The following NNT variants were observed in gnomAD, a reference collection of about 807,000 sequenced individuals.
The protein encoded by NNT is NAD(P) transhydrogenase, mitochondrial.
A neutral mutation model predicts 104.8 loss-of-function variants in NNT; 50 were observed. That is an observed-to-expected ratio of 0.48 (90% CI 0.38 to 0.60). The LOEUF (loss-of-function observed/expected upper bound fraction) is 0.60, where lower values mean the gene tolerates loss of function less well. Ranked by LOEUF, NNT falls within the 20% of genes least tolerant of loss-of-function variation. The pLI, the probability that NNT is intolerant of heterozygous loss-of-function variation, is 0.00. For missense variants in NNT, 1,131 were observed against 1,330.7 expected (o/e 0.85, Z 2.33); for synonymous variants, 461 against 490.4 (o/e 0.94, Z 0.79).
chr5:43,621,930 T>C (rs1750118561), intron 5 of NNT, among the ~76,000 whole-genome samples: 1 of 152,192 alleles, frequency 6.6e-6, no homozygotes, highest in African/African-American at 2.4e-5. Context: ...GTGAACAAGA[T>C]GAAGAGTGAT....
In NNT at chr5:43,619,073, T is replaced by G; in HGVS notation, c.641T>G (p.Phe214Cys). Reference protein sequence around the residue: ...VVLAANHFGRFFTGQITAAGK... With the variant: ...VVLAANHFGRCFTGQITAAGK... ...CTAGCAGCAAATCATTTTGGACGTT[T>G]TTTTACTGGTCAGATCACAGCTGCT... Residue 214 changes from phenylalanine to cysteine, a missense_variant, in exon 5 of 22, where the codon TTT becomes TGT. Coordinates refer to ENST00000344920, the MANE Select transcript of NNT (RefSeq NM_182977.3). 1.3e-6 allele frequency: 2 copies of G among 1,557,698 alleles called. No individual in the cohort carries two copies. The highest frequency in any genetic ancestry group is 2.6e-5 in the South Asian group (2 of 78,010).
rs184766852 is a variant in NNT, at chr5:43,687,656, C to T, written c.2876+9850C>T. Among the ~76,000 whole-genome samples, 276 of 152,194 alleles carry T rather than the reference C, an allele frequency of 1.8e-3. 2 individuals are homozygous for T. The highest frequency in any genetic ancestry group is 8.5e-3 in the South Asian group (41 of 4,822). On this transcript the variant is annotated intron_variant, in intron 19 of 21. Transcript: ENST00000344920. ...ACGTGTTTTTCTCTGACTTTAGAGT[C>T]ATAAAGTTTAGTGTAATAAATTACT... is the stretch of plus-strand genomic sequence containing the variant.
At position 43,624,104 on chromosome 5, in the gene NNT, C is replaced by T; in HGVS notation, c.760C>T (p.Arg254Ter). The part of the protein sequence containing the change: ...GAAKSMGAIV[R>*]GFDTRAAALE... ...AGCAAAGTCGATGGGTGCAATTGTT[C>T]GAGGATTTGACACAAGGTGAGTGCT... Residue 254 changes from arginine to a stop codon, truncating the protein, a stop_gained, in exon 6 of 22, where the codon CGA becomes TGA. Transcript: ENST00000344920. LOFTEE classifies it high-confidence loss of function. The T allele has an allele frequency of 2.5e-6, 4 of 1,613,988 alleles. No individual in the cohort carries two copies. Among genetic ancestry groups the T allele is most frequent in the Non-Finnish European group, 3.4e-6 (4 of 1,179,968 alleles).
At chr5:43,670,573 T>C (rs1444515456) in intron 17 of NNT, among the ~76,000 whole-genome samples, 2 of 152,220 alleles carry the variant, frequency 1.3e-5, no homozygotes, top group Non-Finnish European at 2.9e-5. Flanking sequence ...TTGCTCAGTT[T>C]CCATGTAGTT....
chr5:43,609,233 C>G lies in NNT; in HGVS notation c.38C>G (p.Ser13Trp), dbSNP rs759723802. Residue 13 changes from serine (S) to tryptophan (W), a missense_variant, in exon 2 of 22, where the codon TCG becomes TGG. Coordinates refer to ENST00000344920, the MANE Select transcript of NNT (RefSeq NM_182977.3). Reference protein sequence around the residue: ...NLLKTVVTGCSCPLLSNLGSC... With the variant: ...NLLKTVVTGCWCPLLSNLGSC... ...TTGAAAACAGTGGTGACTGGCTGCT[C>G]GTGTCCTCTACTTAGCAATTTGGGG... is the stretch of plus-strand genomic sequence containing the variant. 1 of 1,613,888 alleles carries G rather than the reference C, an allele frequency of 6.2e-7. No homozygotes were observed. Among genetic ancestry groups the G allele is most frequent in the Non-Finnish European group, 8.5e-7 (1 of 1,179,902 alleles).
chr5:43,622,220 CTTG>C (rs923359007), intron 5 of NNT, among the ~76,000 whole-genome samples: 2 of 152,118 alleles, frequency 1.3e-5, no homozygotes, highest in African/African-American at 4.8e-5. Flanking sequence ...ACCAGTACTA[CTTG>C]TTGATGAACT....
Position 43,616,038 on chromosome 5 carries a change from C to T in NNT, c.572C>T (p.Ala191Val), listed in dbSNP as rs749591680. ...GTCACAATTGCTCAGGGATATGATG[C>T]GCTAAGCTCCATGGCCAACATTGCG... The part of the protein sequence containing the change: ...PRVTIAQGYD[A>V]LSSMANIAGY... The change falls in exon 4 of 22, where the codon GCG (alanine) becomes GTG (valine). Residue 191 changes from alanine (A) to valine (V), a missense_variant. By Grantham distance (64) the Ala-to-Val change is moderately conservative. Coordinates refer to ENST00000344920, the MANE Select transcript of NNT (RefSeq NM_182977.3). 29 of 1,613,836 alleles carry T rather than the reference C, an allele frequency of 1.8e-5. No homozygotes were observed. The highest frequency in any genetic ancestry group is 4.4e-5 in the South Asian group (4 of 91,058).
Position 43,656,695 on chromosome 5 carries a change from T to G in NNT, c.2336T>G (p.Leu779Ter). The G allele has an allele frequency of 6.2e-7, 1 of 1,614,114 alleles. No homozygotes were observed. ...CCTCTCCTACTGCCTGGAAGGCACT[T>G]ACTCAATGCAGGCTTACTGGCTGCT... is the stretch of plus-strand genomic sequence containing the variant. Reference protein sequence around the residue: ...SAPLLLPGRHLLNAGLLAASV... With the variant: ...SAPLLLPGRH The change falls in exon 16 of 22, where the codon TTA becomes TGA. Residue 779 changes from leucine to a stop codon, truncating the protein, a stop_gained. Transcript: ENST00000344920. LOFTEE classifies it high-confidence loss of function.
At chr5:43,700,351 ACTTGT>A (rs1742785624) in intron 20 of NNT, 114 bp downstream of exon 20, 1 of 664,536 alleles carries the variant, frequency 1.5e-6, no homozygotes, top group Non-Finnish European at 2.6e-6. Flanking sequence ...ATGAAAAAGA[ACTTGT>A]ACATGGTAGA....
Position 43,704,701 on chromosome 5 carries a change from AT to A in NNT, c.*303del. ...CTCATTTTAGATGTAGTCCTGTTGGATTTTTTATGCCTCCTCAGTAACCAGA... is the reference window on the plus strand; with the variant it reads ...CTCATTTTAGATGTAGTCCTGTTGGATTTTTATGCCTCCTCAGTAACCAGA... On this transcript the variant is annotated 3_prime_UTR_variant, in exon 22 of 22. Transcript: ENST00000344920. 1 of 263,634 alleles carries A rather than the reference AT, an allele frequency of 3.8e-6. No individual in the cohort carries two copies. The allele number at this position is 263,634 out of a possible 1,614,324, so 16.3% of individuals were successfully genotyped here. A position where few individuals can be genotyped will look rare whatever the true frequency, so the allele number is the denominator to read the frequency against.
Position 43,675,399 on chromosome 5 carries a change from A to G in NNT, c.2635-112A>G, listed in dbSNP as rs536046251. On this transcript the variant is annotated intron_variant, in intron 17 of 21. Coordinates refer to ENST00000344920, the MANE Select transcript of NNT (RefSeq NM_182977.3). ...AATTTATCTGATTAAAGTGTTTTAA[A>G]TGATCAAATAAACCTTTTAAAATGA... 34 of 945,358 alleles carry G rather than the reference A, an allele frequency of 3.6e-5. No homozygotes were observed. In the Middle Eastern group the frequency reaches 1.6e-3, roughly 44 times the overall value. The allele number at this position is 945,358 out of a possible 1,614,324, so 58.6% of individuals were successfully genotyped here.
chr5:43,671,707 G>T (rs575617516), intron 17 of NNT, among the ~76,000 whole-genome samples: 1 of 152,236 alleles, frequency 6.6e-6, no homozygotes, highest in East Asian at 1.9e-4. Flanking sequence ...CTTTCTGGCT[G>T]CCCTTAACAT....
chr5:43,628,812 C>G (rs1750509877), intron 7 of NNT, among the ~76,000 whole-genome samples: 1 of 152,130 alleles, frequency 6.6e-6, no homozygotes, highest in Non-Finnish European at 1.5e-5. Flanking sequence ...GTCTCAAACT[C>G]CTGACCTCAG....
At chr5:43,602,961 C>A (rs765087348), upstream of NNT, 1 of 152,542 alleles carries the variant, frequency 6.6e-6, no homozygotes, top group African/African-American at 2.4e-5. Flanking sequence ...GAGGCAGAGA[C>A]AAAGAGGTTT....
intron 2 of NNT, among the ~76,000 whole-genome samples, chr5:43,611,642 AG>A (rs1286124337): frequency 1.3e-5 from 2 of 152,182 alleles, no homozygotes; most frequent in Non-Finnish European, 2.9e-5. Context: ...AATCTAAGAC[AG>A]TGTTCAAATT....
chr5:43,613,840 G>C (rs1749634548), intron 3 of NNT, among the ~76,000 whole-genome samples: 1 of 152,144 alleles, frequency 6.6e-6, no homozygotes, highest in African/African-American at 2.4e-5. Context: ...TTTTTCAGGA[G>C]ATACAGCTTT....
intron 4 of NNT, 28 bp from the exon 5 acceptor site, chr5:43,619,004 T>TTATG (rs1749929958): frequency 1.6e-6 from 2 of 1,250,320 alleles, no homozygotes; most frequent in African/African-American, 1.5e-5. Context: ...ATGGAATTAT[T>TTATG]TATTTATTTA....
At position 43,675,591 on chromosome 5, in the gene NNT, T is replaced by G; in HGVS notation, c.2715T>G (p.Ile905Met). 6.2e-7 allele frequency: 1 copy of G among 1,613,554 alleles called. No homozygotes were observed. Among genetic ancestry groups the G allele is most frequent in the Non-Finnish European group, 8.5e-7 (1 of 1,179,826 alleles). Reference protein sequence around the residue: ...TSTAGGKPMEISGTHTEINLD... With the variant: ...TSTAGGKPMEMSGTHTEINLD... ...CAGCTGGTGGAAAACCCATGGAAATTTCTGGCACACATACGGAAATCAACC... is the reference window on the plus strand; with the variant it reads ...CAGCTGGTGGAAAACCCATGGAAATGTCTGGCACACATACGGAAATCAACC... The change falls in exon 18 of 22, where the codon ATT (isoleucine) becomes ATG (methionine). Residue 905 changes from isoleucine (I) to methionine (M), a missense_variant. Ile to Met is a conservative substitution (Grantham distance 10, BLOSUM62 1). Coordinates refer to ENST00000344920, the MANE Select transcript of NNT (RefSeq NM_182977.3).
intron 17 of NNT, among the ~76,000 whole-genome samples, chr5:43,661,085 G>C (rs1412592355): frequency 6.6e-6 from 1 of 152,028 alleles, no homozygotes; most frequent in African/African-American, 2.4e-5. Context: ...GCAAAACAAA[G>C]GATTTGATAG....
Sources: gnomAD v4.1 joint callset for allele counts (sites outside exome capture counted in the v4.1 genomes callset) on GRCh38, gnomAD v4.1.1 for gene constraint, MANE v1.5 for transcripts, NCBI Gene and HGNC (gene_info 2026-07-23, HGNC 2026-07-21) for gene names.